The following SCEL variants were observed in gnomAD, a reference collection of about 807,000 sequenced individuals.
The protein encoded by SCEL is sciellin.
Under a neutral mutation model 117.6 loss-of-function variants are expected in SCEL, and 113 were observed. The ratio of observed to expected loss-of-function variants is 0.96; its 90% CI spans 0.83 to 1.12. The LOEUF (loss-of-function observed/expected upper bound fraction) is 1.12, where lower values mean the gene tolerates loss of function less well. Ranked by LOEUF, SCEL falls within the 50% of genes most tolerant of loss-of-function variation. The pLI, the probability that SCEL is intolerant of heterozygous loss-of-function variation, is 0.00. For missense variants in SCEL, 785 were observed against 810.8 expected, an observed-to-expected ratio of 0.97 and a Z score of 0.39; for synonymous variants, 270 against 256.2, an observed-to-expected ratio of 1.05 and a Z score of -0.51.
rs117153035 is a variant in SCEL, at chr13:77,617,086, G to A, written c.1452-513G>A. Among the ~76,000 whole-genome samples, 52 of 152,242 alleles carry A rather than the reference G, an allele frequency of 3.4e-4. No individual in the cohort carries two copies. The East Asian group carries it at 9.1e-3, about 27-fold the overall frequency. On this transcript the variant is annotated intron_variant, in intron 24 of 32. Coordinates refer to ENST00000349847, the MANE Select transcript of SCEL (RefSeq NM_144777.3). ...TGGGAGCGGACAGTTTTCAGAGTAT[G>A]TAACTCATTTTACTATGAACAGCTG... is the stretch of plus-strand genomic sequence containing the variant.
intron 19 of SCEL, chr13:77,606,488 T>G (rs2088201644): frequency 6.6e-6 from 1 of 152,210 alleles, no homozygotes; most frequent in Non-Finnish European, 1.5e-5. Context: ...GTTTTGTTAT[T>G]TTTTTGAATA....
intron 29 of SCEL, among the ~76,000 whole-genome samples, chr13:77,635,632 T>C (rs1349327704): frequency 6.6e-6 from 1 of 152,226 alleles, no homozygotes; most frequent in Non-Finnish European, 1.5e-5. Context: ...CTAAACATCG[T>C]ACTCGAGATT....
intron 9 of SCEL, among the ~76,000 whole-genome samples, chr13:77,577,564 C>T (rs901591538): frequency 8.5e-5 from 13 of 152,102 alleles, no homozygotes; most frequent in Admixed American, 4.6e-4. Context: ...GATTTGGGTG[C>T]GGACACAGAG....
At chr13:77,559,937 C>T in intron 4 of SCEL, 74 bp downstream of exon 4, 1 of 1,268,970 alleles carries the variant, frequency 7.9e-7, no homozygotes, top group Non-Finnish European at 1.1e-6. Context: ...TTGTTCAAGA[C>T]AGCTGAATAT....
intron 1 of SCEL, among the ~76,000 whole-genome samples, chr13:77,537,212 A>T (rs1567323055): frequency 1.3e-5 from 2 of 152,334 alleles, no homozygotes; most frequent in South Asian, 2.1e-4. Flanking sequence ...TAAATCTTAG[A>T]TCTAATTGAC....
intron 1 of SCEL, among the ~76,000 whole-genome samples, chr13:77,551,800 C>A (rs2084343331): frequency 6.6e-6 from 1 of 151,324 alleles, no homozygotes. Flanking sequence ...CCCATTAACT[C>A]ATCATTTAGC....
intron 1 of SCEL, among the ~76,000 whole-genome samples, chr13:77,537,670 G>A (rs75669620): frequency 2.0e-5 from 3 of 152,150 alleles, no homozygotes; most frequent in Admixed American, 6.5e-5. Context: ...CCCTTGCCTC[G>A]AATGCCATTC....
intron 5 of SCEL, among the ~76,000 whole-genome samples, chr13:77,564,251 A>G (rs1400991203): frequency 6.7e-6 from 1 of 148,892 alleles, no homozygotes; most frequent in African/African-American, 2.5e-5. Flanking sequence ...GTTCTTCCAC[A>G]CTGATGGTGG....
chr13:77,556,010 G>A (rs917452009), intron 2 of SCEL, 92 bp downstream of exon 2: 1 of 894,556 alleles, frequency 1.1e-6, no homozygotes, highest in Admixed American at 1.9e-5. Context: ...GATATTGAAT[G>A]CTTAGAAACA....
intron 29 of SCEL, 57 bp from the exon 30 acceptor site, chr13:77,637,063 C>G (rs867906024): frequency 1.2e-6 from 1 of 844,992 alleles, no homozygotes; most frequent in Admixed American, 2.3e-5. Flanking sequence ...AGTGTGTTTT[C>G]TTATCTACAT....
At position 77,583,215 on chromosome 13, in the gene SCEL, A is replaced by G. The variant is rs144295022; in HGVS notation, c.546-5929A>G. 2.0e-4 allele frequency among the ~76,000 whole-genome samples: 30 copies of G among 152,276 alleles called. 1 individual carries two copies. The East Asian group carries it at 3.7e-3, about 19-fold the overall frequency. Reference sequence around the variant, plus strand: ...GTTTACCTTCCACAGATCTGAGCCAATCTCCTCCTTTTATAGACAAATAAG... The same window carrying G: ...GTTTACCTTCCACAGATCTGAGCCAGTCTCCTCCTTTTATAGACAAATAAG... On this transcript the variant is annotated intron_variant, in intron 9 of 32. Coordinates refer to ENST00000349847, the MANE Select transcript of SCEL (RefSeq NM_144777.3).
At chr13:77,606,163 C>T (rs1312076186) in intron 19 of SCEL, among the ~76,000 whole-genome samples, 2 of 152,094 alleles carry the variant, frequency 1.3e-5, no homozygotes, top group African/African-American at 4.8e-5. Context: ...TTCCCATGTA[C>T]ATGAGTGTGT....
chr13:77,565,430 A>G (rs1233946738), intron 5 of SCEL, among the ~76,000 whole-genome samples: 1 of 152,216 alleles, frequency 6.6e-6, no homozygotes, highest in Non-Finnish European at 1.5e-5. Context: ...AAGCAGGCCC[A>G]GAGATTACAT....
Position 77,634,398 on chromosome 13 carries a change from C to T in SCEL, c.1711C>T (p.Gln571Ter), listed in dbSNP as rs766541099. Residue 571 changes from glutamine (Q) to a stop codon, truncating the protein, a stop_gained, in exon 29 of 33, where the codon CAG (glutamine) becomes TAG (stop). Transcript: ENST00000349847. LOFTEE classifies it high-confidence loss of function. ...KNGSSNTGAK[Q>*]AGPQDTVVYT... ...TTGCAGCTCTAACACTGGAGCCAAG[C>T]AGGCAGGACCACAGGATACTGTTGT... 1.2e-6 allele frequency: 2 copies of T among 1,613,228 alleles called. No homozygotes were observed. The highest frequency in any genetic ancestry group is 2.7e-5 in the African/African-American group (2 of 74,894).
At chr13:77,624,816 G>A (rs1481631651) in intron 27 of SCEL, among the ~76,000 whole-genome samples, 1 of 152,150 alleles carries the variant, frequency 6.6e-6, no homozygotes, top group Non-Finnish European at 1.5e-5. Flanking sequence ...AATCTTAAAG[G>A]TTAATGGTCT....
At chr13:77,586,176 T>G (rs2086554273) in intron 9 of SCEL, among the ~76,000 whole-genome samples, 1 of 152,132 alleles carries the variant, frequency 6.6e-6, no homozygotes, top group Admixed American at 6.6e-5. Context: ...TAATGCTTGG[T>G]GATTTCAAAA....
At chr13:77,581,499 C>T (rs2086259812) in intron 9 of SCEL, among the ~76,000 whole-genome samples, 2 of 152,268 alleles carry the variant, frequency 1.3e-5, no homozygotes, top group East Asian at 3.9e-4. Flanking sequence ...AACCCAGATT[C>T]CCACCTCTCC....
intron 4 of SCEL, among the ~76,000 whole-genome samples, chr13:77,561,600 G>C (rs576706666): frequency 2.0e-5 from 3 of 152,350 alleles, no homozygotes; most frequent in Admixed American, 6.5e-5. Context: ...TGGAGCACCT[G>C]CTATGTGCCA....
At chr13:77,580,008 T>A (rs2086178243) in intron 9 of SCEL, among the ~76,000 whole-genome samples, 1 of 152,250 alleles carries the variant, frequency 6.6e-6, no homozygotes, top group African/African-American at 2.4e-5. Context: ...TGAAATCCAG[T>A]AATTCCAAAT....
Sources: gnomAD v4.1 joint callset for allele counts (sites outside exome capture counted in the v4.1 genomes callset) on GRCh38, gnomAD v4.1.1 for gene constraint, MANE v1.5 for transcripts, NCBI Gene and HGNC (gene_info 2026-07-23, HGNC 2026-07-21) for gene names.